EXTL3: variants seen among roughly 807,000 people sequenced by gnomAD.
EXTL3 encodes the protein exostosin-like 3.
In EXTL3, 27 loss-of-function variants were observed where a neutral mutation model predicts 69.3. That is an observed-to-expected ratio of 0.39 (90% CI 0.29 to 0.54). The LOEUF (loss-of-function observed/expected upper bound fraction) is 0.54, where lower values mean the gene tolerates loss of function less well. Ranked by LOEUF, EXTL3 falls within the 20% of genes least tolerant of loss-of-function variation. The probability of loss-of-function intolerance (pLI) is 0.69; values close to 1 mark genes in which losing one functional copy is unlikely to be tolerated. For synonymous variants in EXTL3, 511 were observed against 499.4 expected, an observed-to-expected ratio of 1.02 and a Z score of -0.31; for missense variants, 1,003 against 1,231.8, an observed-to-expected ratio of 0.81 and a Z score of 2.78.
rs1802080426 is a variant in EXTL3, at chr8:28,754,681, G to T, written c.*3815G>T. 1 of 152,240 alleles carries T rather than the reference G, an allele frequency of 6.6e-6. No individual in the cohort carries two copies. The highest frequency in any genetic ancestry group is 1.5e-5 in the Non-Finnish European group (1 of 68,062). 9.4% of individuals were successfully genotyped at this position (152,240 alleles called of 1,614,324 possible). On this transcript the variant is annotated 3_prime_UTR_variant, in exon 7 of 7. Coordinates refer to ENST00000220562, the MANE Select transcript of EXTL3 (RefSeq NM_001440.4). ...GTCTATACCTGTCGAGTTGTGTCTT[G>T]GACTTACGGTCTGCCAAGGTGGTAA...
intron 1 of EXTL3, among the ~76,000 whole-genome samples, chr8:28,626,648 C>A (rs544790175): frequency 6.6e-6 from 1 of 152,202 alleles, no homozygotes; most frequent in African/African-American, 2.4e-5. Flanking sequence ...TTATAAAAAC[C>A]CTGTAAGTTG....
chr8:28,614,390 C>A (rs1449928327), intron 2 of EXTL3, among the ~76,000 whole-genome samples: 1 of 146,882 alleles, frequency 6.8e-6, no homozygotes, highest in Non-Finnish European at 1.5e-5. Flanking sequence ...TCTCTTTCTT[C>A]AGCCTCCTGA....
At chr8:28,639,328 A>G (rs536016761) in intron 1 of EXTL3, among the ~76,000 whole-genome samples, 46 of 152,108 alleles carry the variant, frequency 3.0e-4, no homozygotes, top group African/African-American at 1.1e-3. Flanking sequence ...GCTGCCAATA[A>G]TCTAATTCAG....
chr8:28,658,409 A>G (rs1440964831), intron 1 of EXTL3, among the ~76,000 whole-genome samples: 2 of 152,096 alleles, frequency 1.3e-5, no homozygotes, highest in African/African-American at 4.8e-5. Flanking sequence ...TTCTGTGTGT[A>G]TTCATCTAGA....
At chr8:28,608,673 G>A (rs1806235153) in intron 2 of EXTL3, among the ~76,000 whole-genome samples, 1 of 151,828 alleles carries the variant, frequency 6.6e-6, no homozygotes, top group Non-Finnish European at 1.5e-5. Context: ...GACCAGCCTG[G>A]ACAACATGGT....
intron 5 of EXTL3, 161 bp from the exon 6 acceptor site, chr8:28,742,925 G>C (rs1456370313): frequency 4.0e-6 from 3 of 755,634 alleles, no homozygotes; most frequent in Non-Finnish European, 7.1e-6. Context: ...AGATCCACAC[G>C]ACAGGATGTC....
At chr8:28,673,807 C>G (rs1473795538) in intron 1 of EXTL3, among the ~76,000 whole-genome samples, 1 of 152,018 alleles carries the variant, frequency 6.6e-6, no homozygotes, top group Non-Finnish European at 1.5e-5. Context: ...CTCTGGAAAA[C>G]TTTGTATAGA....
At chr8:28,709,358 G>C (rs1013383994) in intron 1 of EXTL3, among the ~76,000 whole-genome samples, 6 of 152,106 alleles carry the variant, frequency 3.9e-5, no homozygotes, top group Non-Finnish European at 7.4e-5. Flanking sequence ...AGATATTAGA[G>C]GCCGTTGAAG....
chr8:28,633,997 T>A (rs1220092740), intron 1 of EXTL3, among the ~76,000 whole-genome samples: 1 of 152,176 alleles, frequency 6.6e-6, no homozygotes, highest in Non-Finnish European at 1.5e-5. Context: ...AAATCCCATC[T>A]GCCCCCTTGT....
chr8:28,697,721 C>T (rs1800706716), upstream of EXTL3: 1 of 151,498 alleles, frequency 6.6e-6, no homozygotes, highest in South Asian at 2.1e-4. Flanking sequence ...TTCCCAGCTG[C>T]TCAGGGAGGC....
At chr8:28,608,635 G>A (rs1806234631) in intron 2 of EXTL3, among the ~76,000 whole-genome samples, 2 of 151,930 alleles carry the variant, frequency 1.3e-5, no homozygotes, top group Non-Finnish European at 2.9e-5. Flanking sequence ...GGCCGAAGCG[G>A]GGGGATCACT....
At chr8:28,705,030 C>G (rs1800892788) in intron 1 of EXTL3, among the ~76,000 whole-genome samples, 1 of 152,160 alleles carries the variant, frequency 6.6e-6, no homozygotes, top group East Asian at 1.9e-4. Context: ...GATGGGATCC[C>G]AAATTATTAA....
At chr8:28,706,286 T>C (rs868662978) in intron 1 of EXTL3, among the ~76,000 whole-genome samples, 10 of 152,258 alleles carry the variant, frequency 6.6e-5, no homozygotes, top group African/African-American at 2.4e-4. Flanking sequence ...AAGGTTTTTT[T>C]CTTACAAATG....
chr8:28,618,962 C>T (rs1022575047), upstream of EXTL3, among the ~76,000 whole-genome samples: 1 of 151,318 alleles, frequency 6.6e-6, no homozygotes, highest in Non-Finnish European at 1.5e-5. Flanking sequence ...CGTGGCAGCA[C>T]GTGCCTGTAG....
intron 1 of EXTL3, among the ~76,000 whole-genome samples, chr8:28,708,426 CTTTT>C (rs71549693): frequency 3.4e-5 from 4 of 118,746 alleles, no homozygotes; most frequent in Admixed American, 8.5e-5. Context: ...TGGGAAGTGC[CTTTT>C]TTTTTTTTTT....
At chr8:28,652,609 G>A (rs905376038) in intron 1 of EXTL3, among the ~76,000 whole-genome samples, 2 of 151,998 alleles carry the variant, frequency 1.3e-5, no homozygotes, top group African/African-American at 2.4e-5. Flanking sequence ...AGCCATGATC[G>A]TGCCACTGCA....
Position 28,717,179 on chromosome 8 carries a change from G to A in EXTL3, c.1120G>A (p.Asp374Asn), listed in dbSNP as rs201263762. Reference protein sequence around the residue: ...EEEMEGDPPADYDDRIIATLK... With the variant: ...EEEMEGDPPANYDDRIIATLK... ...GGAAATGGAGGGCGACCCTCCCGCC[G>A]ACTACGATGACCGGATCATTGCCAC... is the stretch of plus-strand genomic sequence containing the variant. The change falls in exon 3 of 7, where the codon GAC becomes AAC. Residue 374 changes from aspartate to asparagine, a missense_variant. Asp to Asn is a conservative substitution (Grantham distance 23). Coordinates refer to ENST00000220562, the MANE Select transcript of EXTL3 (RefSeq NM_001440.4). This position sits in a 1 kb window ranked among gnomAD's most constrained non-coding sequence, Gnocchi z 8.3. The A allele has an allele frequency of 4.0e-5, 64 of 1,614,110 alleles. No individual in the cohort carries two copies. In the Admixed American group the frequency reaches 1.0e-3, roughly 26 times the overall value.
chr8:28,703,694 C>T (rs1281508623), intron 1 of EXTL3, among the ~76,000 whole-genome samples: 1 of 152,118 alleles, frequency 6.6e-6, no homozygotes. Flanking sequence ...CAGACCTACT[C>T]TTGGTAAAGG....
chr8:28,619,312 A>C (rs184768), upstream of EXTL3, among the ~76,000 whole-genome samples: 48 of 118,206 alleles, frequency 4.1e-4, no homozygotes, highest in African/African-American at 1.3e-3. Context: ...AAAAAAAAAA[A>C]AAACCCTGTG....
Sources: allele counts gnomAD v4.1 joint callset (sites outside exome capture counted in the v4.1 genomes callset), GRCh38; gene constraint gnomAD v4.1.1; non-coding constraint Gnocchi (gnomAD v3.1); transcripts MANE v1.5; gene names NCBI Gene and HGNC (gene_info 2026-07-23, HGNC 2026-07-21).